Variants in MCC observed in about 807,000 individuals in gnomAD.
MCC encodes MCC regulator of Wnt signaling pathway.
MCC carries 90 observed loss-of-function variants against 116.2 expected under a neutral mutation model. That is an observed-to-expected ratio of 0.77 (90% confidence interval 0.65 to 0.92). The LOEUF (loss-of-function observed/expected upper bound fraction) is 0.92. Among genes scored for constraint, MCC ranks in the 40% least tolerant of loss-of-function variants. The pLI is 0.00. For synonymous variants in MCC, 578 were observed against 510.5 expected (o/e 1.13, Z -1.78); for missense variants, 1,516 against 1,312.2 (o/e 1.16, Z -2.40).
At chr5:113,089,345 T>G (rs1272521838) in intron 8 of MCC, among the ~76,000 whole-genome samples, 6 of 152,274 alleles carry the variant, frequency 3.9e-5, no homozygotes, top group Admixed American at 2.6e-4. Flanking sequence ...CTCTGGAAGG[T>G]TCAAGTAGGG....
chr5:113,140,846 G>A (rs984847503), intron 5 of MCC, among the ~76,000 whole-genome samples: 1 of 152,168 alleles, frequency 6.6e-6, no homozygotes, highest in Non-Finnish European at 1.5e-5. Context: ...GTTCATCCAC[G>A]GTGCCTAGTT....
intron 3 of MCC, among the ~76,000 whole-genome samples, chr5:113,197,402 C>A (rs537714262): frequency 2.6e-5 from 4 of 152,122 alleles, no homozygotes; most frequent in South Asian, 4.2e-4. Context: ...CTTTTTTAGG[C>A]AGTGAAAAGG....
chr5:113,168,762 G>T (rs565352924), intron 3 of MCC, among the ~76,000 whole-genome samples: 1 of 151,892 alleles, frequency 6.6e-6, no homozygotes, highest in Non-Finnish European at 1.5e-5. Context: ...GGAAAACAGG[G>T]GCAACAGATC....
chr5:113,104,433 C>G (rs1756615827), intron 6 of MCC, 78 bp from the exon 7 acceptor site: 1 of 1,344,586 alleles, frequency 7.4e-7, no homozygotes, highest in Non-Finnish European at 1.0e-6. Context: ...GGGACTCATT[C>G]AGGTAATGGG....
rs74459293 is a variant in MCC at position 113,110,430 on chromosome 5, G to A, written c.1028-6075C>T. On this transcript the variant is annotated intron_variant, in intron 6 of 18. Coordinates refer to ENST00000408903, the MANE Select transcript of MCC (RefSeq NM_001085377.2). ...CATTCCGGTTTCACAAGGGAGACAA[G>A]GTGTTTTTGGCAACAGACGCTAGAA... 1.7e-3 allele frequency among the ~76,000 whole-genome samples: 252 copies of A among 152,330 alleles called. 2 individuals are homozygous for A. The East Asian group carries it at 0.045, about 27-fold the overall frequency.
chr5:113,419,099 C>T (rs1770242795), intron 1 of MCC, among the ~76,000 whole-genome samples: 1 of 152,048 alleles, frequency 6.6e-6, no homozygotes, highest in African/African-American at 2.4e-5. Flanking sequence ...TACATATATC[C>T]AAGAACACGT....
At chr5:113,084,007 G>C in intron 10 of MCC, 94 bp downstream of exon 10, 1 of 925,678 alleles carries the variant, frequency 1.1e-6, no homozygotes, top group South Asian at 1.4e-5. Flanking sequence ...TGGTTTATTG[G>C]AGATAGACTT....
chr5:113,307,051 T>C (rs909974496), intron 3 of MCC, among the ~76,000 whole-genome samples: 7 of 152,214 alleles, frequency 4.6e-5, no homozygotes, highest in Non-Finnish European at 7.3e-5. Flanking sequence ...ATCTTGGTTA[T>C]TGGAGTTTCA....
At chr5:113,196,238 T>C (rs372756810) in intron 3 of MCC, among the ~76,000 whole-genome samples, 63 of 152,300 alleles carry the variant, frequency 4.1e-4, no homozygotes, top group African/African-American at 1.3e-3. Flanking sequence ...TTTAGAAGCA[T>C]TGCTGGATGG....
At chr5:113,074,052 T>A (rs576641904) in intron 11 of MCC, among the ~76,000 whole-genome samples, 1 of 152,196 alleles carries the variant, frequency 6.6e-6, no homozygotes, top group African/African-American at 2.4e-5. Flanking sequence ...ACCATGCAGT[T>A]TGAGCTCTGA....
At chr5:113,324,825 A>C (rs1767510642) in intron 3 of MCC, among the ~76,000 whole-genome samples, 1 of 149,926 alleles carries the variant, frequency 6.7e-6, no homozygotes, top group Non-Finnish European at 1.5e-5. Flanking sequence ...CTTTGTAGGA[A>C]GTTTTGGAAC....
intron 3 of MCC, among the ~76,000 whole-genome samples, chr5:113,299,010 C>T (rs144691148): frequency 0.021 from 3,165 of 151,816 alleles, 35 homozygotes; most frequent in Middle Eastern, 0.027. Context: ...GCTTCCAGGC[C>T]GGATGCAGTG....
intron 2 of MCC, among the ~76,000 whole-genome samples, chr5:113,362,771 T>G (rs1191637119): frequency 2.0e-5 from 3 of 152,180 alleles, no homozygotes; most frequent in African/African-American, 7.2e-5. Flanking sequence ...TATATATATT[T>G]AGATTTTGGT....
intron 17 of MCC, among the ~76,000 whole-genome samples, chr5:113,035,367 C>G (rs1482235732): frequency 6.6e-6 from 1 of 152,214 alleles, no homozygotes; most frequent in Non-Finnish European, 1.5e-5. Flanking sequence ...CCCGGACAAC[C>G]ACAACAGCCT....
chr5:113,329,878 G>C (rs1175049386), intron 3 of MCC, among the ~76,000 whole-genome samples: 1 of 152,136 alleles, frequency 6.6e-6, no homozygotes, highest in African/African-American at 2.4e-5. Flanking sequence ...AGAGGGGCAG[G>C]AGAGGAAAAC....
intron 6 of MCC, among the ~76,000 whole-genome samples, chr5:113,116,855 G>A (rs920962152): frequency 6.6e-6 from 1 of 152,222 alleles, no homozygotes; most frequent in Non-Finnish European, 1.5e-5. Context: ...ACCCCAGAGA[G>A]TGCTCCAGTG....
intron 3 of MCC, among the ~76,000 whole-genome samples, chr5:113,196,336 A>G (rs1051601809): frequency 6.7e-4 from 102 of 152,264 alleles, no homozygotes; most frequent in Non-Finnish European, 5.6e-4. Context: ...CCCTGATGGA[A>G]GTGGGTGAAG....
At chr5:113,353,895 G>A (rs971397880) in intron 2 of MCC, among the ~76,000 whole-genome samples, 5 of 152,148 alleles carry the variant, frequency 3.3e-5, no homozygotes, top group Non-Finnish European at 7.4e-5. Context: ...TTCAGGAATG[G>A]TATGAAGACA....
At chr5:113,048,716 G>T in intron 16 of MCC, 1 of 363,652 alleles carries the variant, frequency 2.7e-6, no homozygotes. Flanking sequence ...GGGGGATTTT[G>T]GATCATATCA....
Sources: allele counts gnomAD v4.1 joint callset (sites outside exome capture counted in the v4.1 genomes callset), GRCh38; gene constraint gnomAD v4.1.1; transcripts MANE v1.5; gene names NCBI Gene and HGNC (gene_info 2026-07-23, HGNC 2026-07-21).